Variants in PPM1L observed in about 807,000 individuals in gnomAD.
PPM1L encodes the protein protein phosphatase, Mg2+/Mn2+ dependent 1L.
PPM1L carries 13 observed loss-of-function variants against 31.4 expected under a neutral mutation model. The ratio of observed to expected loss-of-function variants is 0.41; its 90% CI spans 0.27 to 0.66. The LOEUF (loss-of-function observed/expected upper bound fraction) is 0.66, where lower values mean the gene tolerates loss of function less well. Among genes scored for constraint, PPM1L ranks in the 30% least tolerant of loss-of-function variants. The pLI, the probability that PPM1L is intolerant of heterozygous loss-of-function variation, is 0.29. For synonymous variants in PPM1L, 184 were observed against 175.4 expected (o/e 1.05, Z -0.39); for missense variants, 326 against 453.7 (o/e 0.72, Z 2.56).
intron 2 of PPM1L, among the ~76,000 whole-genome samples, chr3:161,015,339 C>G: frequency 6.6e-6 from 1 of 152,096 alleles, no homozygotes; most frequent in East Asian, 1.9e-4. Context: ...ATTACCAGGG[C>G]CTGGAGATAA....
rs6779470 is a variant in PPM1L at position 160,791,397 on chromosome 3, T to C, written c.399+34690T>C. 9.5e-3 allele frequency among the ~76,000 whole-genome samples: 1,450 copies of C among 152,310 alleles called. 22 individuals carry two copies. The highest frequency in any genetic ancestry group is 0.032 in the African/African-American group (1,336 of 41,566). On this transcript the variant is annotated intron_variant, in intron 1 of 3. Transcript: ENST00000498165. Reference sequence around the variant, plus strand: ...AGTTTTGTTAAGCTTTAATGAGATATGTACCCAAAGAACTGGAGCAGCATA... The same window carrying C: ...AGTTTTGTTAAGCTTTAATGAGATACGTACCCAAAGAACTGGAGCAGCATA...
At chr3:160,911,854 C>T (rs1191167938) in intron 1 of PPM1L, among the ~76,000 whole-genome samples, 1 of 152,112 alleles carries the variant, frequency 6.6e-6, no homozygotes, top group Non-Finnish European at 1.5e-5. Context: ...ACATGTAAAC[C>T]ATTTGGCATT....
chr3:161,035,539 T>C (rs1718720238), intron 2 of PPM1L, among the ~76,000 whole-genome samples: 2 of 152,202 alleles, frequency 1.3e-5, no homozygotes, highest in South Asian at 4.1e-4. Flanking sequence ...GTAAAAATAG[T>C]TCCTGAAAGA....
At chr3:161,011,037 A>C (rs1179525003) in intron 2 of PPM1L, among the ~76,000 whole-genome samples, 4 of 152,130 alleles carry the variant, frequency 2.6e-5, no homozygotes, top group Non-Finnish European at 4.4e-5. Flanking sequence ...CCCATTTGTC[A>C]ATTTTGGCTT....
At chr3:160,996,865 C>T (rs971073208) in intron 2 of PPM1L, among the ~76,000 whole-genome samples, 9 of 152,100 alleles carry the variant, frequency 5.9e-5, no homozygotes, top group African/African-American at 2.2e-4. Context: ...AGATTGTGTT[C>T]ACAGAGCACA....
chr3:160,866,278 TG>T (rs954868393), intron 1 of PPM1L, among the ~76,000 whole-genome samples: 6 of 152,220 alleles, frequency 3.9e-5, no homozygotes, highest in Non-Finnish European at 1.5e-5. Context: ...TTAATATTAA[TG>T]GGGTGGTTTC....
At chr3:161,041,183 C>T (rs1718894015) in intron 2 of PPM1L, among the ~76,000 whole-genome samples, 1 of 152,358 alleles carries the variant, frequency 6.6e-6, no homozygotes. Context: ...CAATGACAAA[C>T]TCAACCAACT....
intron 1 of PPM1L, among the ~76,000 whole-genome samples, chr3:160,813,576 A>C (rs940644640): frequency 6.6e-6 from 1 of 152,124 alleles, no homozygotes; most frequent in Non-Finnish European, 1.5e-5. Context: ...CTGAACTCAG[A>C]TGATCCACCT....
At chr3:160,905,886 T>G (rs1713738132) in intron 1 of PPM1L, among the ~76,000 whole-genome samples, 1 of 152,150 alleles carries the variant, frequency 6.6e-6, no homozygotes. Context: ...TTTTTTCTTT[T>G]TATTTGAATG....
chr3:160,845,377 G>C (rs76637881), intron 1 of PPM1L, among the ~76,000 whole-genome samples: 2 of 151,956 alleles, frequency 1.3e-5, no homozygotes, highest in East Asian at 3.9e-4. Flanking sequence ...AGTTTTAAAA[G>C]ATATTCTGGA....
chr3:160,992,077 A>G (rs1295053932), intron 2 of PPM1L, among the ~76,000 whole-genome samples: 1 of 152,198 alleles, frequency 6.6e-6, no homozygotes, highest in African/African-American at 2.4e-5. Context: ...CTAAGGTTGT[A>G]TAACTAGCAA....
At chr3:161,059,891 C>T (rs186098453) in intron 2 of PPM1L, among the ~76,000 whole-genome samples, 131 of 152,216 alleles carry the variant, frequency 8.6e-4, no homozygotes, top group Non-Finnish European at 1.6e-3. Flanking sequence ...CCTCCTTTGC[C>T]TCCTGCCATG....
chr3:161,012,359 G>T (rs1158658162), intron 2 of PPM1L, among the ~76,000 whole-genome samples: 2 of 152,138 alleles, frequency 1.3e-5, no homozygotes, highest in Non-Finnish European at 2.9e-5. Flanking sequence ...TGCATCCCAG[G>T]GATGAAGCCC....
At chr3:160,876,107 C>G (rs1374262760) in intron 1 of PPM1L, among the ~76,000 whole-genome samples, 2 of 152,120 alleles carry the variant, frequency 1.3e-5, no homozygotes, top group African/African-American at 4.8e-5. Context: ...TTCATCAATT[C>G]CTTAAATCTG....
chr3:160,843,424 T>TTTTATATATA (rs1256018241), intron 1 of PPM1L, among the ~76,000 whole-genome samples: 1 of 50,094 alleles, frequency 2.0e-5, no homozygotes, highest in Non-Finnish European at 4.3e-5. Context: ...ATGGCAATTC[T>TTTTATATATA]TTTATATATA....
chr3:161,032,495 A>G (rs1718600573), intron 2 of PPM1L, among the ~76,000 whole-genome samples: 1 of 152,166 alleles, frequency 6.6e-6, no homozygotes. Flanking sequence ...CCCTTGTGTT[A>G]GTAGATCAAT....
At chr3:160,780,724 A>G (rs144996552) in intron 1 of PPM1L, among the ~76,000 whole-genome samples, 5 of 152,256 alleles carry the variant, frequency 3.3e-5, no homozygotes, top group African/African-American at 9.6e-5. Flanking sequence ...TTCCTACTTG[A>G]TAGCACAGGA....
intron 1 of PPM1L, among the ~76,000 whole-genome samples, chr3:160,873,649 G>A (rs1712397923): frequency 6.6e-6 from 1 of 152,140 alleles, no homozygotes; most frequent in East Asian, 1.9e-4. Context: ...CCGGGTTCAA[G>A]CAATTCTCCT....
At chr3:161,012,857 G>A (rs1717942567) in intron 2 of PPM1L, among the ~76,000 whole-genome samples, 2 of 152,136 alleles carry the variant, frequency 1.3e-5, no homozygotes, top group Non-Finnish European at 2.9e-5. Flanking sequence ...TGGGATCGGT[G>A]GTGATATCCC....
Sources: allele counts gnomAD v4.1 joint callset (sites outside exome capture counted in the v4.1 genomes callset), GRCh38; gene constraint gnomAD v4.1.1; transcripts MANE v1.5; gene names NCBI Gene and HGNC (gene_info 2026-07-23, HGNC 2026-07-21).